Variants in KCNMB2 observed in about 807,000 individuals in gnomAD.
KCNMB2 encodes potassium calcium-activated channel subfamily M regulatory beta subunit 2, also known as calcium-activated potassium channel subunit beta-2.
In KCNMB2, 9 loss-of-function variants were observed where a neutral mutation model predicts 24.5. That is an observed-to-expected ratio of 0.37 (90% CI 0.22 to 0.64). KCNMB2 has a LOEUF of 0.64. KCNMB2 is among the 30% of genes least tolerant of loss of function. The pLI is 0.63. For synonymous variants in KCNMB2, 109 were observed against 104.4 expected (o/e 1.04, Z -0.27); for missense variants, 226 against 284.3 (o/e 0.79, Z 1.47).
intron 1 of KCNMB2, among the ~76,000 whole-genome samples, chr3:178,782,610 T>C (rs1423492075): frequency 2.0e-5 from 3 of 147,468 alleles, no homozygotes; most frequent in Non-Finnish European, 4.5e-5. Flanking sequence ...TGTCTGTTCA[T>C]GTCCTTTGCC....
At chr3:178,664,738 G>C (rs1387700650) in intron 1 of KCNMB2, among the ~76,000 whole-genome samples, 3 of 151,854 alleles carry the variant, frequency 2.0e-5, no homozygotes, top group Non-Finnish European at 2.9e-5. Flanking sequence ...AGAGAAGGAG[G>C]GAGGAAGGGA....
intron 1 of KCNMB2, among the ~76,000 whole-genome samples, chr3:178,648,970 A>G (rs997719780): frequency 2.0e-5 from 3 of 152,146 alleles, no homozygotes; most frequent in African/African-American, 2.4e-5. Flanking sequence ...GATGTTGCTT[A>G]TATCTTAATG....
chr3:178,685,717 T>C (rs2108324098), intron 1 of KCNMB2, among the ~76,000 whole-genome samples: 1 of 152,372 alleles, frequency 6.6e-6, no homozygotes, highest in African/African-American at 2.4e-5. Flanking sequence ...ACCACGAAGT[T>C]AATCAATAAC....
chr3:178,578,146 C>A (rs1192668041), intron 1 of KCNMB2, among the ~76,000 whole-genome samples: 4 of 152,162 alleles, frequency 2.6e-5, no homozygotes, highest in Non-Finnish European at 5.9e-5. Flanking sequence ...GGGTTACCGA[C>A]AAAGAGAAGC....
intron 1 of KCNMB2, among the ~76,000 whole-genome samples, chr3:178,602,564 G>T (rs1397987226): frequency 6.7e-6 from 1 of 148,444 alleles, no homozygotes; most frequent in Non-Finnish European, 1.5e-5. Context: ...GTACTGGGAG[G>T]TTCGGGGGTG....
rs916005332 is a variant in KCNMB2, at chr3:178,688,743, G to A, written c.-67-118600G>A. Among the ~76,000 whole-genome samples the A allele has an allele frequency of 4.3e-4, 65 of 152,030 alleles. 1 individual carries two copies. Among genetic ancestry groups the A allele is most frequent in the South Asian group, 1.7e-3 (8 of 4,824 alleles). On this transcript the variant is annotated intron_variant, in intron 1 of 4. Coordinates refer to ENST00000452583, the MANE Select transcript of KCNMB2 (RefSeq NM_181361.3). ...CAAATTTAAAGTTTTTGTGAACTTC[G>A]TATTTATTTATATTTGCATAGGCTT...
intron 1 of KCNMB2, among the ~76,000 whole-genome samples, chr3:178,670,683 T>A (rs1373824159): frequency 6.6e-6 from 1 of 152,164 alleles, no homozygotes; most frequent in Non-Finnish European, 1.5e-5. Flanking sequence ...AAGTTTTGAA[T>A]CCGGGCTTTG....
chr3:178,824,002 C>T (rs1341197654), intron 2 of KCNMB2, among the ~76,000 whole-genome samples: 3 of 152,140 alleles, frequency 2.0e-5, no homozygotes, highest in Non-Finnish European at 2.9e-5. Flanking sequence ...CAGCGATTTT[C>T]CCATTTCCAC....
intron 1 of KCNMB2, among the ~76,000 whole-genome samples, chr3:178,759,507 A>T (rs542339375): frequency 2.4e-5 from 3 of 125,298 alleles, no homozygotes. Context: ...GGATATATAT[A>T]TATCTCTCCA....
At chr3:178,604,007 A>G (rs12491448) in intron 1 of KCNMB2, among the ~76,000 whole-genome samples, 17,753 of 152,154 alleles carry the variant, frequency 0.12, 1,195 homozygotes, top group Middle Eastern at 0.24. Context: ...GCCGTTTCCC[A>G]GAGACACAGC....
At chr3:178,670,289 T>C (rs527912640) in intron 1 of KCNMB2, among the ~76,000 whole-genome samples, 11 of 152,220 alleles carry the variant, frequency 7.2e-5, no homozygotes, top group Admixed American at 5.2e-4. Context: ...GTAGGACATC[T>C]AGCAGCACCT....
At chr3:178,679,358 G>A (rs576329422) in intron 1 of KCNMB2, among the ~76,000 whole-genome samples, 2 of 152,172 alleles carry the variant, frequency 1.3e-5, no homozygotes, top group South Asian at 4.1e-4. Flanking sequence ...AGCCTTCTGA[G>A]TAGCTGGGAC....
At chr3:178,675,792 C>T (rs1243237135) in intron 1 of KCNMB2, among the ~76,000 whole-genome samples, 4 of 152,062 alleles carry the variant, frequency 2.6e-5, no homozygotes, top group East Asian at 1.9e-4. Context: ...ATGCTAGAGC[C>T]GGTGGCTAGA....
chr3:178,555,718 T>C (rs1716101845), intron 1 of KCNMB2, among the ~76,000 whole-genome samples: 1 of 152,202 alleles, frequency 6.6e-6, no homozygotes, highest in South Asian at 2.1e-4. Flanking sequence ...TGTAAGTCCC[T>C]CATCCTTGAT....
At chr3:178,614,297 G>GTATATGTATATATATATATATATA (rs1718620687) in intron 1 of KCNMB2, among the ~76,000 whole-genome samples, 14 of 54,580 alleles carry the variant, frequency 2.6e-4, no homozygotes, top group African/African-American at 8.3e-4. Context: ...ATATATATAT[G>GTATATGTATATATATATATATATA]TATGTATATA....
At chr3:178,736,681 T>C (rs1723327145) in intron 1 of KCNMB2, among the ~76,000 whole-genome samples, 1 of 152,232 alleles carries the variant, frequency 6.6e-6, no homozygotes, top group Admixed American at 6.5e-5. Context: ...CTAATGGGCA[T>C]ACACAGGTGC....
At chr3:178,837,147 T>A (rs1180380191) in intron 4 of KCNMB2, among the ~76,000 whole-genome samples, 1 of 152,190 alleles carries the variant, frequency 6.6e-6, no homozygotes, top group African/African-American at 2.4e-5. Context: ...ACTGCTTCTG[T>A]GAAAACCATG....
rs1263054084 is a variant in KCNMB2 at position 178,659,880 on chromosome 3, CCA to C, written c.-68+123174_-68+123175del. Among the ~76,000 whole-genome samples, 10 of 152,194 alleles carry C rather than the reference CCA, an allele frequency of 6.6e-5. 1 individual carries two copies. The highest frequency in any genetic ancestry group is 5.8e-4 in the East Asian group (3 of 5,184). ...TATTATCCAATCTGCAGTCTAAGCC[CCA>C]CACAGTTTCCCACCTAATCACAGAC... On this transcript the variant is annotated intron_variant, in intron 1 of 4. Transcript: ENST00000452583.
intron 1 of KCNMB2, among the ~76,000 whole-genome samples, chr3:178,660,619 A>T (rs1720492049): frequency 6.6e-6 from 1 of 151,738 alleles, no homozygotes; most frequent in Non-Finnish European, 1.5e-5. Flanking sequence ...TTATATGTTA[A>T]ATATCTTTCA....
Sources: gnomAD v4.1 joint callset for allele counts (sites outside exome capture counted in the v4.1 genomes callset) on GRCh38, gnomAD v4.1.1 for gene constraint, MANE v1.5 for transcripts, NCBI Gene and HGNC (gene_info 2026-07-23, HGNC 2026-07-21) for gene names.